CSNK2A2IP: variants seen among roughly 807,000 people sequenced by gnomAD.
CSNK2A2IP encodes the protein casein kinase 2 subunit alpha' interacting protein.
chr3:88,467,553 G>A, the CSNK2A2IP span: 1 of 398,422 alleles, frequency 2.5e-6, no homozygotes. Context: ...AATTTTTCCG[G>A]ACAAAATGAG....
the CSNK2A2IP span, among the ~76,000 whole-genome samples, chr3:88,443,434 T>G: frequency 6.6e-6 from 1 of 152,094 alleles, no homozygotes; most frequent in Non-Finnish European, 1.5e-5. Flanking sequence ...TGCAGAGATC[T>G]GGGTCAAAGA....
At chr3:88,424,619 C>G in the CSNK2A2IP span, among the ~76,000 whole-genome samples, 2 of 152,082 alleles carry the variant, frequency 1.3e-5, no homozygotes, top group African/African-American at 4.8e-5. Context: ...GGAAAGATTT[C>G]TATGTCTGTA....
the CSNK2A2IP span, among the ~76,000 whole-genome samples, chr3:88,454,885 A>G: frequency 5.3e-5 from 8 of 151,488 alleles, no homozygotes; most frequent in African/African-American, 1.7e-4. Context: ...AATATCTCCC[A>G]TTTTCCCTTA....
At chr3:88,432,614 A>T in the CSNK2A2IP span, among the ~76,000 whole-genome samples, 12 of 151,744 alleles carry the variant, frequency 7.9e-5, no homozygotes, top group East Asian at 1.7e-3. Context: ...CATGCTGCAA[A>T]CTTTAAATAT....
At chr3:88,369,509 G>T in the CSNK2A2IP span, among the ~76,000 whole-genome samples, 1 of 152,060 alleles carries the variant, frequency 6.6e-6, no homozygotes, top group East Asian at 1.9e-4. Flanking sequence ...ATTGTGGCTT[G>T]TTATTGCAAA....
the CSNK2A2IP span, among the ~76,000 whole-genome samples, chr3:88,342,900 A>C: frequency 1.3e-5 from 2 of 151,978 alleles, no homozygotes; most frequent in South Asian, 2.1e-4. Context: ...ATAGCCACCA[A>C]GGGGCTATGA....
the CSNK2A2IP span, among the ~76,000 whole-genome samples, chr3:88,368,824 T>A: frequency 2.0e-5 from 3 of 152,008 alleles, no homozygotes; most frequent in African/African-American, 4.8e-5. Context: ...AGCTAACAGA[T>A]CTTCCTCATT....
the CSNK2A2IP span, among the ~76,000 whole-genome samples, chr3:88,441,339 G>A: frequency 0.014 from 2,079 of 152,200 alleles, 41 homozygotes; most frequent in African/African-American, 0.048. Context: ...TCTTCAGAGA[G>A]GAAAGTTTTA....
chr3:88,379,249 C>T, the CSNK2A2IP span, among the ~76,000 whole-genome samples: 1 of 151,956 alleles, frequency 6.6e-6, no homozygotes, highest in Non-Finnish European at 1.5e-5. Flanking sequence ...ACATTTGTTT[C>T]TTTCTAATGG....
At chr3:88,448,544 C>A in the CSNK2A2IP span, among the ~76,000 whole-genome samples, 8 of 152,144 alleles carry the variant, frequency 5.3e-5, no homozygotes, top group African/African-American at 1.9e-4. Context: ...CTGTTTATGG[C>A]AGATAGGCCA....
the CSNK2A2IP span, among the ~76,000 whole-genome samples, chr3:88,347,840 G>A: frequency 6.6e-6 from 1 of 151,852 alleles, no homozygotes; most frequent in Non-Finnish European, 1.5e-5. Flanking sequence ...AATTTATTAG[G>A]AAGTTGAAAT....
the CSNK2A2IP span, among the ~76,000 whole-genome samples, chr3:88,445,707 C>T: frequency 5.9e-5 from 9 of 152,118 alleles, no homozygotes; most frequent in Admixed American, 2.6e-4. Context: ...TACAAGTGTA[C>T]GATGCCATGC....
the CSNK2A2IP span, among the ~76,000 whole-genome samples, chr3:88,409,884 A>G: frequency 1.3e-5 from 2 of 152,074 alleles, no homozygotes; most frequent in African/African-American, 2.4e-5. Flanking sequence ...GCTTTACTAC[A>G]GGAACAGTTA....
chr3:88,415,653 A>G, the CSNK2A2IP span, among the ~76,000 whole-genome samples: 1 of 152,046 alleles, frequency 6.6e-6, no homozygotes, highest in African/African-American at 2.4e-5. Flanking sequence ...ACTTTAAATT[A>G]TTCAGTTTAC....
At chr3:88,355,360 C>T in the CSNK2A2IP span, among the ~76,000 whole-genome samples, 1 of 151,768 alleles carries the variant, frequency 6.6e-6, no homozygotes, top group African/African-American at 2.4e-5. Flanking sequence ...TCTCTTACAC[C>T]CAGGCAAATG....
the CSNK2A2IP span, chr3:88,466,071 A>G: frequency 2.4e-6 from 3 of 1,231,542 alleles, no homozygotes; most frequent in Admixed American, 1.3e-4. Context: ...AGCGCAATCA[A>G]AGATCTTTGA....
At chr3:88,360,733 T>C in the CSNK2A2IP span, among the ~76,000 whole-genome samples, 2 of 152,164 alleles carry the variant, frequency 1.3e-5, no homozygotes, top group Non-Finnish European at 2.9e-5. Context: ...TGCTTTCTGG[T>C]TGTTTTGTTT....
the CSNK2A2IP span, chr3:88,399,895 T>G: frequency 1.3e-5 from 2 of 152,190 alleles, no homozygotes; most frequent in East Asian, 3.8e-4. Flanking sequence ...TGACCCAGAT[T>G]AGTAAAATAT....
chr3:88,462,516 A>G, the CSNK2A2IP span, among the ~76,000 whole-genome samples: 3 of 152,146 alleles, frequency 2.0e-5, no homozygotes, highest in Admixed American at 2.0e-4. Flanking sequence ...AAAGAGAGAG[A>G]GTGAGGTCAT....
Sources: gnomAD v4.1 joint callset for allele counts (sites outside exome capture counted in the v4.1 genomes callset) on GRCh38, gnomAD v4.1.1 for gene constraint, MANE v1.5 for transcripts, NCBI Gene and HGNC (gene_info 2026-07-23, HGNC 2026-07-21) for gene names.